TRPS1: variants seen among roughly 807,000 people sequenced by gnomAD.
TRPS1 encodes the protein transcriptional repressor GATA binding 1.
A neutral mutation model predicts 101.2 loss-of-function variants in TRPS1; 6 were observed. That is an observed-to-expected ratio of 0.06 (90% CI 0.03 to 0.12). The LOEUF (loss-of-function observed/expected upper bound fraction) is 0.12. Among genes scored for constraint, TRPS1 ranks in the 10% least tolerant of loss-of-function variants. The pLI, the probability that TRPS1 is intolerant of heterozygous loss-of-function variation, is 1.00. For missense variants in TRPS1, 1,363 were observed against 1,567.0 expected (o/e 0.87, Z 2.20); for synonymous variants, 578 against 589.8 (o/e 0.98, Z 0.29).
At position 115,414,185 on chromosome 8, in the gene TRPS1, C is replaced by G; in HGVS notation, c.3723G>C (p.Val1241=). The change falls in exon 7 of 7, where the codon GTG becomes GTC. Residue 1241 remains valine (V), a synonymous_variant. Transcript: ENST00000395715. The surrounding 1 kb of genome is among the most constrained non-coding windows in gnomAD (Gnocchi z 4.8). ...GGCAACTCATATGCAAAGCATACAT[C>G]ACTTCATCCAGAAAGACAATGCCAC... ...VHCGIVFLDE[V]MYALHMSCHG... is the part of the protein sequence containing the mutation. 2 of 1,614,054 alleles carry G rather than the reference C, an allele frequency of 1.2e-6. No individual in the cohort carries two copies. Among genetic ancestry groups the G allele is most frequent in the East Asian group, 2.2e-5 (1 of 44,878 alleles).
intron 3 of TRPS1, among the ~76,000 whole-genome samples, chr8:115,612,765 T>C (rs558679646): frequency 6.6e-6 from 1 of 152,264 alleles, no homozygotes; most frequent in Admixed American, 6.5e-5. Context: ...ATTCCCAAAC[T>C]CCTCACTATG....
At chr8:115,422,369 C>CT (rs776277522) in intron 5 of TRPS1, among the ~76,000 whole-genome samples, 10,258 of 143,040 alleles carry the variant, frequency 0.072, 994 homozygotes, top group African/African-American at 0.22. Context: ...ACTTTCCACA[C>CT]TTTTTTTTTT....
At chr8:115,523,324 C>T (rs1815913903) in intron 5 of TRPS1, among the ~76,000 whole-genome samples, 1 of 152,084 alleles carries the variant, frequency 6.6e-6, no homozygotes, top group African/African-American at 2.4e-5. Context: ...TGTTTGATCT[C>T]CCTTCCGTCA....
Position 115,448,205 on chromosome 8 carries a change from A to T in TRPS1, c.2701-29753T>A, listed in dbSNP as rs1813784369. Among the ~76,000 whole-genome samples the T allele has an allele frequency of 3.3e-5, 5 of 152,308 alleles. 1 individual carries two copies. In the South Asian group the frequency reaches 1.0e-3, roughly 32 times the overall value. Reference sequence around the variant, plus strand: ...CTGCAAACAGACATCAGGTTCACAGAATTTCATTAGTAATTTATTCTTTTC... The same window carrying T: ...CTGCAAACAGACATCAGGTTCACAGTATTTCATTAGTAATTTATTCTTTTC... On this transcript the variant is annotated intron_variant, in intron 5 of 6. Transcript: ENST00000395715.
chr8:115,536,134 G>A (rs975504974), intron 5 of TRPS1, among the ~76,000 whole-genome samples: 3 of 152,034 alleles, frequency 2.0e-5, no homozygotes, highest in African/African-American at 7.2e-5. Flanking sequence ...ATACAAATAC[G>A]TAATACAGAC....
At chr8:115,542,926 T>A (rs150100954) in intron 5 of TRPS1, among the ~76,000 whole-genome samples, 2,207 of 152,292 alleles carry the variant, frequency 0.014, 18 homozygotes, top group Non-Finnish European at 0.024. Context: ...TTAAGCTTTC[T>A]CCTTTCAATT....
Position 115,567,118 on chromosome 8 carries a change from G to A in TRPS1, c.2700+19883C>T, listed in dbSNP as rs190725842. 1.6e-3 allele frequency among the ~76,000 whole-genome samples: 222 copies of A among 141,608 alleles called. 1 individual carries two copies. The highest frequency in any genetic ancestry group is 5.8e-3 in the African/African-American group (212 of 36,268). The allele number at this position is 141,608 out of a possible 152,430, so 92.9% of individuals were successfully genotyped here. On this transcript the variant is annotated intron_variant, in intron 5 of 6. Transcript: ENST00000395715. ...GAGAGGAAAGTCTGGTTAACACCAA[G>A]TTTTAGGCCTCAGGTATATCCAAGA...
intron 5 of TRPS1, among the ~76,000 whole-genome samples, chr8:115,536,588 ACTC>A (rs952771490): frequency 2.6e-5 from 4 of 151,380 alleles, no homozygotes; most frequent in African/African-American, 9.7e-5. Flanking sequence ...TTTTAAAACA[ACTC>A]CTCATTTTTG....
chr8:115,634,632 T>C (rs1350834160), intron 1 of TRPS1, among the ~76,000 whole-genome samples: 1 of 152,164 alleles, frequency 6.6e-6, no homozygotes, highest in African/African-American at 2.4e-5. Context: ...AACTTGTTTA[T>C]TGAGCCTGCA....
rs1297163760 is a variant in TRPS1, at chr8:115,668,570, C to T, written c.-147G>A. On this transcript the variant is annotated 5_prime_UTR_variant, in exon 1 of 7. Transcript: ENST00000395715. Reference sequence around the variant, plus strand: ...CTGTTGATTAATCGTCAAGAACACCCTCGGCAGCCCGAAAGATGGTGGCGC... The same window carrying T: ...CTGTTGATTAATCGTCAAGAACACCTTCGGCAGCCCGAAAGATGGTGGCGC... 2.7e-5 allele frequency: 4 copies of T among 149,714 alleles called. No individual in the cohort carries two copies. Among genetic ancestry groups the T allele is most frequent in the African/African-American group, 9.8e-5 (4 of 40,988 alleles). 9.3% of individuals were successfully genotyped at this position (149,714 alleles called of 1,614,324 possible).
intron 1 of TRPS1, among the ~76,000 whole-genome samples, chr8:115,629,301 G>A (rs138593825): frequency 2.6e-5 from 4 of 151,762 alleles, no homozygotes; most frequent in African/African-American, 9.6e-5. Context: ...AAAGAAGATT[G>A]AGGCATATCA....
chr8:115,516,617 C>T (rs76243401), intron 5 of TRPS1, among the ~76,000 whole-genome samples: 2,798 of 151,634 alleles, frequency 0.018, 59 homozygotes, highest in Non-Finnish European at 0.029. Flanking sequence ...ATCTTTCTAA[C>T]CAACTATGGT....
chr8:115,507,537 C>T (rs898139250), intron 5 of TRPS1, among the ~76,000 whole-genome samples: 3 of 148,558 alleles, frequency 2.0e-5, no homozygotes, highest in African/African-American at 5.0e-5. Context: ...AGCACAGAAA[C>T]GACTCATCTA....
intron 5 of TRPS1, among the ~76,000 whole-genome samples, chr8:115,496,709 T>C (rs746788383): frequency 8.8e-4 from 134 of 152,278 alleles, no homozygotes; most frequent in South Asian, 2.1e-3. Flanking sequence ...GAAAGGATAA[T>C]GCCAATTTCA....
chr8:115,553,899 A>C (rs1470639505), intron 5 of TRPS1, among the ~76,000 whole-genome samples: 1 of 152,166 alleles, frequency 6.6e-6, no homozygotes, highest in African/African-American at 2.4e-5. Flanking sequence ...TTCCTCATAC[A>C]ATTAACACTT....
intron 1 of TRPS1, among the ~76,000 whole-genome samples, chr8:115,644,054 G>A (rs963611557): frequency 2.6e-5 from 4 of 152,142 alleles, no homozygotes; most frequent in African/African-American, 9.7e-5. Context: ...AAACCATACT[G>A]TAAACAAATG....
chr8:115,537,133 C>T (rs1816342892), intron 5 of TRPS1, among the ~76,000 whole-genome samples: 1 of 152,094 alleles, frequency 6.6e-6, no homozygotes, highest in South Asian at 2.1e-4. Flanking sequence ...TTCCCCCACC[C>T]TGCCAAAATA....
chr8:115,662,020 A>G (rs554791353), intron 1 of TRPS1, among the ~76,000 whole-genome samples: 4 of 152,190 alleles, frequency 2.6e-5, no homozygotes, highest in African/African-American at 7.2e-5. Flanking sequence ...GACTTACTCC[A>G]AGAAACTTGC....
intron 5 of TRPS1, among the ~76,000 whole-genome samples, chr8:115,437,723 A>G (rs558168374): frequency 6.6e-6 from 1 of 152,132 alleles, no homozygotes; most frequent in African/African-American, 2.4e-5. Flanking sequence ...GAAAGGTACC[A>G]TTTCCAGTAC....
Sources: gnomAD v4.1 joint callset for allele counts (sites outside exome capture counted in the v4.1 genomes callset) on GRCh38, gnomAD v4.1.1 for gene constraint, Gnocchi (gnomAD v3.1) non-coding constraint, MANE v1.5 for transcripts, NCBI Gene and HGNC (gene_info 2026-07-23, HGNC 2026-07-21) for gene names.